The following RPS6KA2 variants were observed in gnomAD, a reference collection of about 807,000 sequenced individuals.
The protein encoded by RPS6KA2 is ribosomal protein S6 kinase alpha-2.
A neutral mutation model predicts 91.8 loss-of-function variants in RPS6KA2; 42 were observed. The observed-to-expected ratio is 0.46, with a 90% CI of 0.36 to 0.59. The LOEUF (loss-of-function observed/expected upper bound fraction) is 0.59, where lower values mean the gene tolerates loss of function less well. Ranked by LOEUF, RPS6KA2 falls within the 20% of genes least tolerant of loss-of-function variation. The probability of loss-of-function intolerance (pLI) is 0.00; values close to 1 mark genes in which losing one functional copy is unlikely to be tolerated. For missense variants in RPS6KA2, 798 were observed against 978.5 expected, an observed-to-expected ratio of 0.82 and a Z score of 2.46; for synonymous variants, 414 against 393.6, an observed-to-expected ratio of 1.05 and a Z score of -0.61.
intron 14 of RPS6KA2, among the ~76,000 whole-genome samples, chr6:166,432,711 C>T (rs1779176350): frequency 6.6e-6 from 1 of 152,156 alleles, no homozygotes. Flanking sequence ...GGAGTACAGG[C>T]TGGGCAAGGT....
exon 1 of RPS6KA2, chr6:166,862,280 A>G (rs768209359): frequency 9.9e-5 from 157 of 1,587,512 alleles, no homozygotes; most frequent in Non-Finnish European, 1.3e-4. Context: ...AAGCCAAGGG[A>G]CGCAGAGGCC....
intron 1 of RPS6KA2, among the ~76,000 whole-genome samples, chr6:166,602,366 G>A (rs1785775113): frequency 2.6e-5 from 4 of 152,248 alleles, no homozygotes; most frequent in Admixed American, 2.6e-4. Flanking sequence ...ATACCCGAGA[G>A]AACCTCCCCC....
At chr6:166,640,999 C>G (rs1418698185) in intron 2 of RPS6KA2, among the ~76,000 whole-genome samples, 1 of 152,216 alleles carries the variant, frequency 6.6e-6, no homozygotes, top group Non-Finnish European at 1.5e-5. Flanking sequence ...CCAAAATCCT[C>G]ACTGCTAGTA....
chr6:166,584,818 A>G (rs1785118461), intron 1 of RPS6KA2, among the ~76,000 whole-genome samples: 1 of 152,262 alleles, frequency 6.6e-6, no homozygotes, highest in African/African-American at 2.4e-5. Flanking sequence ...TGGAGAGACC[A>G]TGATTGATCT....
rs146424252 is a variant in RPS6KA2 at position 166,414,403 on chromosome 6, G to A, written c.1939-472C>T. ...TCTACAATCTGGAGCCATCAGATAT[G>A]TCCAGTGGGTTCATGTGCAATAATG... On this transcript the variant is annotated intron_variant, in intron 19 of 20. Transcript: ENST00000265678. Among the ~76,000 whole-genome samples the A allele has an allele frequency of 4.8e-3, 734 of 152,288 alleles. 9 individuals carry two copies. Among genetic ancestry groups the A allele is most frequent in the African/African-American group, 0.017 (692 of 41,550 alleles).
In RPS6KA2 at chr6:166,499,992, A is replaced by G. The variant is rs557574807; in HGVS notation, c.604+895T>C. Among the ~76,000 whole-genome samples, 4 of 152,318 alleles carry G rather than the reference A, an allele frequency of 2.6e-5. No homozygotes were observed. In the East Asian group the frequency reaches 7.7e-4, roughly 29 times the overall value. On this transcript the variant is annotated intron_variant, in intron 7 of 20. Transcript: ENST00000265678. ...CCCTGGATTTCTGGGTGTGCCCAAC[A>G]CCATTGCAAGGGTCTTCAGGTTAGG...
At chr6:166,724,899 A>G (rs936237796) in intron 2 of RPS6KA2, among the ~76,000 whole-genome samples, 2 of 152,186 alleles carry the variant, frequency 1.3e-5, no homozygotes, top group African/African-American at 2.4e-5. Flanking sequence ...TTTTTGGTTT[A>G]TTAGATTATA....
intron 2 of RPS6KA2, among the ~76,000 whole-genome samples, chr6:166,855,433 GA>G (rs1780865837): frequency 5.9e-5 from 2 of 33,888 alleles, no homozygotes; most frequent in Non-Finnish European, 1.0e-4. Context: ...AGAAGAGGAA[GA>G]AGAGGAAGAA....
chr6:166,493,038 TTTC>T lies in RPS6KA2; in HGVS notation c.748-2300_748-2298del. ...TGAGCCACTGCGCCTGGTCTGGTGA[TTTC>T]TTTTTAGCTTTTGAAGATGATTCCC... On this transcript the variant is annotated intron_variant, in intron 8 of 20. Coordinates refer to ENST00000265678, the MANE Select transcript of RPS6KA2 (RefSeq NM_021135.6). This position sits in a 1 kb window ranked among gnomAD's most constrained non-coding sequence, Gnocchi z 4.7. Among the ~76,000 whole-genome samples, 1 of 152,166 alleles carries T rather than the reference TTTC, an allele frequency of 6.6e-6. No individual in the cohort carries two copies. Among genetic ancestry groups the T allele is most frequent in the Admixed American group, 6.5e-5 (1 of 15,274 alleles).
At position 166,419,147 on chromosome 6, in the gene RPS6KA2, A is replaced by G. The variant is rs1221581023; in HGVS notation, c.1820+735T>C. On this transcript the variant is annotated intron_variant, in intron 18 of 20. Coordinates refer to ENST00000265678, the MANE Select transcript of RPS6KA2 (RefSeq NM_021135.6). The surrounding 1 kb of genome is among the most constrained non-coding windows in gnomAD (Gnocchi z 5.6). ...AAGCAGGCCAAGCTCATTCATTCTC[A>G]TGAGGGCATTCAAGCCATTTTGCTA... is the stretch of plus-strand genomic sequence containing the variant. 6.6e-6 allele frequency among the ~76,000 whole-genome samples: 1 copy of G among 152,230 alleles called. No individual in the cohort carries two copies. The highest frequency in any genetic ancestry group is 2.4e-5 in the African/African-American group (1 of 41,458).
chr6:166,490,884 G>T lies in RPS6KA2; in HGVS notation c.748-143C>A. 1 of 644,110 alleles carries T rather than the reference G, an allele frequency of 1.6e-6. No individual in the cohort carries two copies. 39.9% of individuals were successfully genotyped at this position (644,110 alleles called of 1,614,324 possible). A position where few individuals can be genotyped will look rare whatever the true frequency, so the allele number is the denominator to read the frequency against. On this transcript the variant is annotated intron_variant, in intron 8 of 20. Coordinates refer to ENST00000265678, the MANE Select transcript of RPS6KA2 (RefSeq NM_021135.6). The surrounding 1 kb of genome is among the most constrained non-coding windows in gnomAD (Gnocchi z 4.2). ...CAGTCAATTGTAGCCACTGGCCTAC[G>T]TGCTTGGGGTACAACAGTGACTAAA...
At chr6:166,566,137 C>T (rs149410245) in intron 1 of RPS6KA2, among the ~76,000 whole-genome samples, 1 of 152,178 alleles carries the variant, frequency 6.6e-6, no homozygotes, top group Non-Finnish European at 1.5e-5. Context: ...CTAGGGTGTA[C>T]AGAAAGGGAA....
intron 10 of RPS6KA2, among the ~76,000 whole-genome samples, chr6:166,483,702 C>T (rs1034435671): frequency 1.3e-5 from 2 of 152,152 alleles, no homozygotes; most frequent in Non-Finnish European, 2.9e-5. Context: ...CTTCCACATT[C>T]GGGAAGGGAG....
chr6:166,860,321 A>C (rs1296841057), intron 1 of RPS6KA2, among the ~76,000 whole-genome samples: 2 of 152,236 alleles, frequency 1.3e-5, no homozygotes, highest in Non-Finnish European at 2.9e-5. Context: ...TTCAAGAGCT[A>C]TTTAATGTAT....
chr6:166,639,041 T>G lies in RPS6KA2; in HGVS notation c.124-100257A>C, dbSNP rs994879138. Among the ~76,000 whole-genome samples, 2 of 152,220 alleles carry G rather than the reference T, an allele frequency of 1.3e-5. No homozygotes were observed. The highest frequency in any genetic ancestry group is 2.4e-5 in the African/African-American group (1 of 41,446). On this transcript the variant is annotated intron_variant, in intron 2 of 21. Coordinates refer to the RPS6KA2 transcript ENST00000503859. The surrounding 1 kb of genome is among the most constrained non-coding windows in gnomAD (Gnocchi z 4.2). Reference sequence around the variant, plus strand: ...GGTCGTCACCTATGCAAACAGCAATTTCATGCAGTTAAACCAATATGTGGA... The same window carrying G: ...GGTCGTCACCTATGCAAACAGCAATGTCATGCAGTTAAACCAATATGTGGA...
intron 3 of RPS6KA2, among the ~76,000 whole-genome samples, chr6:166,516,593 C>T (rs1034976923): frequency 2.0e-5 from 3 of 152,272 alleles, no homozygotes; most frequent in Non-Finnish European, 4.4e-5. Flanking sequence ...GCCAACGGGG[C>T]TGCCATTGAG....
chr6:166,817,402 AACACAC>A (rs5881717), intron 2 of RPS6KA2, among the ~76,000 whole-genome samples: 5 of 151,152 alleles, frequency 3.3e-5, no homozygotes, highest in African/African-American at 7.3e-5. Context: ...CACGCATGTA[AACACAC>A]ACACACACAC....
chr6:166,751,720 T>G (rs755676282), intron 2 of RPS6KA2, among the ~76,000 whole-genome samples: 1 of 152,262 alleles, frequency 6.6e-6, no homozygotes, highest in Non-Finnish European at 1.5e-5. Flanking sequence ...CTTTGCACCA[T>G]TCGCATCCTA....
intron 2 of RPS6KA2, among the ~76,000 whole-genome samples, chr6:166,632,373 G>A (rs1165878317): frequency 6.6e-6 from 1 of 152,196 alleles, no homozygotes; most frequent in African/African-American, 2.4e-5. Flanking sequence ...AGCACTTTGG[G>A]AGGCTGAGGT....
Sources: allele counts gnomAD v4.1 joint callset (sites outside exome capture counted in the v4.1 genomes callset), GRCh38; gene constraint gnomAD v4.1.1; non-coding constraint Gnocchi (gnomAD v3.1); transcripts MANE v1.5; gene names NCBI Gene and HGNC (gene_info 2026-07-23, HGNC 2026-07-21).